The following FRMPD1 variants were observed in gnomAD, a reference collection of about 807,000 sequenced individuals.
FRMPD1 encodes FERM and PDZ domain-containing protein 1.
FRMPD1 carries 76 observed loss-of-function variants against 117.8 expected under a neutral mutation model. The observed-to-expected ratio is 0.65, with a 90% CI of 0.54 to 0.78. The LOEUF is 0.78. Ranked by LOEUF, FRMPD1 falls within the 30% of genes least tolerant of loss-of-function variation. FRMPD1 has a pLI of 0.00. For missense variants in FRMPD1, 1,786 were observed against 1,964.5 expected, an observed-to-expected ratio of 0.91 and a Z score of 1.72; for synonymous variants, 783 against 770.4, an observed-to-expected ratio of 1.02 and a Z score of -0.27.
At chr9:37,637,155 T>C in the FRMPD1 span, 1 of 1,610,014 alleles carries the variant, frequency 6.2e-7, no homozygotes, top group Non-Finnish European at 8.5e-7. Flanking sequence ...ATGGTTTGGA[T>C]CTTGAAGTCC....
In FRMPD1 at chr9:37,744,646, G is replaced by A. The variant is rs1025313596; in HGVS notation, c.2614G>A (p.Glu872Lys). 6.2e-7 allele frequency: 1 copy of A among 1,613,828 alleles called. No homozygotes were observed. The highest frequency in any genetic ancestry group is 8.5e-7 in the Non-Finnish European group (1 of 1,179,916). Reference protein sequence around the residue: ...SVDDVCYYDREPYLALGAPSP... With the variant: ...SVDDVCYYDRKPYLALGAPSP... ...AGACGACGTGTGCTACTATGACAGG[G>A]AGCCCTACCTGGCCCTTGGTGCACC... Residue 872 changes from glutamate (E) to lysine (K), a missense_variant, in exon 16 of 16, where the codon GAG (glutamate) becomes AAG (lysine). Glu to Lys is a moderately conservative substitution (Grantham distance 56, BLOSUM62 1). Transcript: ENST00000377765.
chr9:37,740,268 C>T lies in FRMPD1; in HGVS notation c.1740C>T (p.Ser580=), dbSNP rs1246719723. 2 of 1,613,708 alleles carry T rather than the reference C, an allele frequency of 1.2e-6. No homozygotes were observed. The highest frequency in any genetic ancestry group is 1.3e-5 in the African/African-American group (1 of 74,896). The change falls in exon 15 of 16, where the codon AGC becomes AGT. Residue 580 remains serine (S), a synonymous_variant. Coordinates refer to ENST00000377765, the MANE Select transcript of FRMPD1 (RefSeq NM_014907.3). This position sits in a 1 kb window ranked among gnomAD's most constrained non-coding sequence, Gnocchi z 4.2. ...GCCCCAGCACCTGCGGGGCCAGCAG[C>T]ACGACAGACAGTGCCGAGTCCGAGG... is the stretch of plus-strand genomic sequence containing the variant. ...RRGPSTCGAS[S]TTDSAESEAS... is the part of the protein sequence containing the mutation.
intron 1 of FRMPD1, among the ~76,000 whole-genome samples, chr9:37,677,009 G>A (rs1194400103): frequency 1.3e-5 from 2 of 152,156 alleles, no homozygotes; most frequent in East Asian, 1.9e-4. Context: ...CTAATGGAAC[G>A]AATTGCATTT....
Position 37,746,482 on chromosome 9 carries a change from G to GA in FRMPD1, c.4452dup (p.Glu1485ArgfsTer8). 1 of 1,613,718 alleles carries GA rather than the reference G, an allele frequency of 6.2e-7. No individual in the cohort carries two copies. The highest frequency in any genetic ancestry group is 8.5e-7 in the Non-Finnish European group (1 of 1,180,028). On this transcript the variant is annotated frameshift_variant, in exon 16 of 16. Transcript: ENST00000377765. LOFTEE classifies it high-confidence loss of function. ...TGTGATCAGAATGGACCAGTCCCCC[G>GA]AAGAGATGCAGGGGGCCGTGCGTGA...
chr9:37,672,945 A>G (rs532739371), intron 1 of FRMPD1, among the ~76,000 whole-genome samples: 23 of 152,270 alleles, frequency 1.5e-4, no homozygotes, highest in Non-Finnish European at 2.6e-4. Flanking sequence ...GATACAATTC[A>G]AGTTGAGATT....
intron 1 of FRMPD1, among the ~76,000 whole-genome samples, chr9:37,656,820 C>T (rs1327032913): frequency 6.6e-6 from 1 of 151,890 alleles, no homozygotes; most frequent in African/African-American, 2.4e-5. Context: ...AGGAACTCAT[C>T]TGATGTTTAG....
At chr9:37,698,397 C>T (rs1453315567) in intron 2 of FRMPD1, among the ~76,000 whole-genome samples, 1 of 151,914 alleles carries the variant, frequency 6.6e-6, no homozygotes, top group African/African-American at 2.4e-5. Flanking sequence ...TTTACTGACC[C>T]CTCCTTTATT....
At chr9:37,670,250 GGGAGAC>G (rs1366837290) in intron 1 of FRMPD1, among the ~76,000 whole-genome samples, 2 of 152,108 alleles carry the variant, frequency 1.3e-5, no homozygotes, top group Non-Finnish European at 2.9e-5. Flanking sequence ...TAAGTGCTGG[GGGAGAC>G]GTATTCGAGT....
At chr9:37,676,092 T>C (rs78495246) in intron 1 of FRMPD1, among the ~76,000 whole-genome samples, 3,746 of 152,356 alleles carry the variant, frequency 0.025, 160 homozygotes, top group African/African-American at 0.085. Flanking sequence ...CTCGCCTGTC[T>C]GCGCTCCGCA....
chr9:37,745,619 A>G lies in FRMPD1; in HGVS notation c.3587A>G (p.Gln1196Arg), dbSNP rs768177068. 6.2e-7 allele frequency: 1 copy of G among 1,614,056 alleles called. No homozygotes were observed. Among genetic ancestry groups the G allele is most frequent in the East Asian group, 2.2e-5 (1 of 44,888 alleles). The change falls in exon 16 of 16, where the codon CAA (glutamine) becomes CGA (arginine). Residue 1196 changes from glutamine to arginine, a missense_variant. Gln to Arg is a conservative substitution (Grantham distance 43). Coordinates refer to ENST00000377765, the MANE Select transcript of FRMPD1 (RefSeq NM_014907.3). Reference protein sequence around the residue: ...REPPGQGCQAQEQKLFVELDL... With the variant: ...REPPGQGCQAREQKLFVELDL... ...CCCCCAGGGCAAGGCTGCCAGGCTC[A>G]AGAACAAAAACTATTCGTAGAGTTG...
intron 6 of FRMPD1, among the ~76,000 whole-genome samples, chr9:37,722,774 T>C (rs1389158952): frequency 2.0e-5 from 3 of 152,180 alleles, no homozygotes; most frequent in Admixed American, 2.0e-4. Flanking sequence ...TTTTTTTTCT[T>C]TTTTTCTTTT....
intron 2 of FRMPD1, among the ~76,000 whole-genome samples, chr9:37,695,418 C>A (rs962758423): frequency 1.3e-4 from 20 of 152,274 alleles, no homozygotes; most frequent in African/African-American, 4.8e-4. Flanking sequence ...TATTAAACAT[C>A]TTCCCATGTG....
At chr9:37,680,959 C>T (rs1821708577) in intron 1 of FRMPD1, among the ~76,000 whole-genome samples, 2 of 152,020 alleles carry the variant, frequency 1.3e-5, no homozygotes, top group Non-Finnish European at 2.9e-5. Flanking sequence ...CCTGTAATCC[C>T]AGCACTTTGG....
At chr9:37,734,390 G>A (rs1189504514) in intron 12 of FRMPD1, among the ~76,000 whole-genome samples, 1 of 152,134 alleles carries the variant, frequency 6.6e-6, no homozygotes, top group Admixed American at 6.5e-5. Flanking sequence ...GGAGGAATGA[G>A]GGGTGGGCCT....
chr9:37,636,864 C>T, the FRMPD1 span: 1 of 1,611,268 alleles, frequency 6.2e-7, no homozygotes, highest in Non-Finnish European at 8.5e-7. Flanking sequence ...AAGGGGATGC[C>T]CAAAGAGTCT....
chr9:37,696,051 CTT>C (rs61521469), intron 2 of FRMPD1, among the ~76,000 whole-genome samples: 5 of 78,110 alleles, frequency 6.4e-5, no homozygotes, highest in African/African-American at 2.1e-4. Flanking sequence ...CATTGTTTTG[CTT>C]TTTTTTTTTT....
At position 37,719,078 on chromosome 9, in the gene FRMPD1, A is replaced by G. The variant is rs1457957529; in HGVS notation, c.418A>G (p.Lys140Glu). Residue 140 changes from lysine (K) to glutamate (E), a missense_variant, in exon 6 of 16, where the codon AAA (lysine) becomes GAA (glutamate). Physicochemically the swap from Lys to Glu is moderately conservative, Grantham distance 56. Coordinates refer to ENST00000377765, the MANE Select transcript of FRMPD1 (RefSeq NM_014907.3). Reference protein sequence around the residue: ...TVVRCTSGVPKSSFLTEEKRA... With the variant: ...TVVRCTSGVPESSFLTEEKRA... Reference sequence around the variant, plus strand: ...TGTTACTGTTTTTCAGGGAGTCCCTAAATCGTCCTTCCTGACCGAGGAGAA... The same window carrying G: ...TGTTACTGTTTTTCAGGGAGTCCCTGAATCGTCCTTCCTGACCGAGGAGAA... 2.5e-6 allele frequency: 4 copies of G among 1,606,454 alleles called. No individual in the cohort carries two copies. The highest frequency in any genetic ancestry group is 1.7e-5 in the Admixed American group (1 of 60,012).
intron 1 of FRMPD1, among the ~76,000 whole-genome samples, chr9:37,672,250 AG>A (rs111588753): frequency 0.095 from 14,519 of 152,246 alleles, 989 homozygotes; most frequent in African/African-American, 0.19. Flanking sequence ...TGGAGAAGCC[AG>A]CAGCAGGAAG....
chr9:37,714,570 G>A (rs1376035811), intron 5 of FRMPD1, among the ~76,000 whole-genome samples: 5 of 150,380 alleles, frequency 3.3e-5, no homozygotes, highest in Admixed American at 1.3e-4. Context: ...GAACTGCTCC[G>A]AAGAAGTTTA....
Sources: gnomAD v4.1 joint callset for allele counts (sites outside exome capture counted in the v4.1 genomes callset) on GRCh38, gnomAD v4.1.1 for gene constraint, Gnocchi (gnomAD v3.1) non-coding constraint, MANE v1.5 for transcripts, NCBI Gene and HGNC (gene_info 2026-07-23, HGNC 2026-07-21) for gene names.